COL24A1: variants seen among roughly 807,000 people sequenced by gnomAD.
COL24A1 encodes the protein collagen alpha-1(XXIV) chain.
A neutral mutation model predicts 253.9 loss-of-function variants in COL24A1; 224 were observed. That is an observed-to-expected ratio of 0.88 (90% CI 0.79 to 0.99). The LOEUF (loss-of-function observed/expected upper bound fraction) is 0.99, where lower values mean the gene tolerates loss of function less well. Among genes scored for constraint, COL24A1 ranks in the 50% least tolerant of loss-of-function variants. The pLI is 0.00. For missense variants in COL24A1, 2,131 were observed against 2,068.5 expected, an observed-to-expected ratio of 1.03 and a Z score of -0.59; for synonymous variants, 685 against 673.7, an observed-to-expected ratio of 1.02 and a Z score of -0.26.
chr1:86,108,807 C>A (rs369564811), intron 5 of COL24A1, among the ~76,000 whole-genome samples: 27 of 142,868 alleles, frequency 1.9e-4, no homozygotes, highest in South Asian at 4.6e-4. Flanking sequence ...AATTCCGTCT[C>A]AAAAAAAAAA....
At chr1:85,987,272 G>T (rs571471486) in intron 20 of COL24A1, among the ~76,000 whole-genome samples, 32 of 151,714 alleles carry the variant, frequency 2.1e-4, no homozygotes, top group Admixed American at 1.2e-3. Flanking sequence ...GTCCCCAAAA[G>T]ATTTTTTTAG....
chr1:85,891,283 A>C (rs543282290), intron 31 of COL24A1, among the ~76,000 whole-genome samples: 1 of 142,862 alleles, frequency 7.0e-6, no homozygotes, highest in Non-Finnish European at 1.5e-5. Context: ...CCAGGATGGT[A>C]TCAATCTCCT....
At chr1:85,888,557 A>C (rs1331683660) in intron 32 of COL24A1, among the ~76,000 whole-genome samples, 1 of 152,088 alleles carries the variant, frequency 6.6e-6, no homozygotes, top group Non-Finnish European at 1.5e-5. Flanking sequence ...AATGCTAAAG[A>C]GAGTTGCATT....
chr1:86,092,666 T>C (rs1209430323), intron 5 of COL24A1, among the ~76,000 whole-genome samples: 5 of 151,880 alleles, frequency 3.3e-5, no homozygotes, highest in East Asian at 1.9e-4. Flanking sequence ...ATTTTAGCAT[T>C]GAAAGACTAT....
In COL24A1 at chr1:86,052,004, T is replaced by C. The variant is rs567228270; in HGVS notation, c.1852-1827A>G. Among the ~76,000 whole-genome samples, 5 of 152,192 alleles carry C rather than the reference T, an allele frequency of 3.3e-5. No homozygotes were observed. The South Asian group carries it at 1.0e-3, about 32-fold the overall frequency. On this transcript the variant is annotated intron_variant, in intron 10 of 59. Coordinates refer to ENST00000370571, the MANE Select transcript of COL24A1 (RefSeq NM_152890.7). ...CTGAAGGACAGATATGTCTGAAGTC[T>C]TAAAGACAGACTAAAGCTTTGAGGA...
intron 6 of COL24A1, among the ~76,000 whole-genome samples, chr1:86,090,159 T>A (rs1483410081): frequency 6.6e-6 from 1 of 152,172 alleles, no homozygotes; most frequent in Non-Finnish European, 1.5e-5. Context: ...AGCGCTACCT[T>A]TTTTACATTT....
At chr1:85,731,227 CT>C (rs1663442998) in intron 59 of COL24A1, among the ~76,000 whole-genome samples, 1 of 152,140 alleles carries the variant, frequency 6.6e-6, no homozygotes, top group African/African-American at 2.4e-5. Flanking sequence ...CAGTTTCCCT[CT>C]TTCTTCTCTT....
chr1:86,021,132 G>T (rs1437235421), intron 18 of COL24A1, among the ~76,000 whole-genome samples: 1 of 152,280 alleles, frequency 6.6e-6, no homozygotes, highest in East Asian at 1.9e-4. Flanking sequence ...ATAATCCTGA[G>T]ATGGAAGGGT....
At chr1:85,832,524 C>A (rs1358704207) in intron 43 of COL24A1, among the ~76,000 whole-genome samples, 3 of 150,704 alleles carry the variant, frequency 2.0e-5, no homozygotes, top group Non-Finnish European at 3.0e-5. Context: ...GGCAGTATGG[C>A]CATTTTCACG....
chr1:85,781,291 A>C lies in COL24A1; in HGVS notation c.4285-18T>G. On this transcript the variant is annotated intron_variant, in intron 51 of 59. Coordinates refer to ENST00000370571, the MANE Select transcript of COL24A1 (RefSeq NM_152890.7). ...GTGTTTCCCTGTTGAGGTAAAAGAA[A>C]AACAGTCTCACTGTTAGTATAATTA... is the stretch of plus-strand genomic sequence containing the variant. The C allele has an allele frequency of 6.3e-7, 1 of 1,584,744 alleles. No homozygotes were observed. Among genetic ancestry groups the C allele is most frequent in the Non-Finnish European group, 8.6e-7 (1 of 1,165,182 alleles).
intron 47 of COL24A1, among the ~76,000 whole-genome samples, chr1:85,798,213 A>G: frequency 6.6e-6 from 1 of 151,468 alleles, no homozygotes; most frequent in East Asian, 1.9e-4. Flanking sequence ...AAAAAAAAAA[A>G]AAGTATGAAC....
chr1:86,142,905 G>A lies in COL24A1; in HGVS notation c.121+3214C>T, dbSNP rs969298574. On this transcript the variant is annotated intron_variant, in intron 2 of 59. Coordinates refer to ENST00000370571, the MANE Select transcript of COL24A1 (RefSeq NM_152890.7). The stretch of plus-strand genomic sequence containing the variant: ...CAAAGATAAATAGATGATCTTAAGG[G>A]ATTAAAAGGGAAATTAAAAGGTCAC... 1.2e-4 allele frequency among the ~76,000 whole-genome samples: 19 copies of A among 152,110 alleles called. 2 individuals carry two copies. Among genetic ancestry groups the A allele is most frequent in the Admixed American group, 5.2e-4 (8 of 15,290 alleles).
At chr1:85,845,796 T>C (rs1677089247) in intron 39 of COL24A1, among the ~76,000 whole-genome samples, 1 of 151,340 alleles carries the variant, frequency 6.6e-6, no homozygotes, top group South Asian at 2.1e-4. Flanking sequence ...ACAAGAAAGA[T>C]TAAAGAACAG....
chr1:86,031,753 C>G, intron 14 of COL24A1, 125 bp downstream of exon 14: 1 of 641,750 alleles, frequency 1.6e-6, no homozygotes. Context: ...TACATTTAAT[C>G]AAGGTTGATA....
At chr1:85,873,930 C>T (rs888685870) in intron 35 of COL24A1, among the ~76,000 whole-genome samples, 4 of 152,004 alleles carry the variant, frequency 2.6e-5, no homozygotes, top group Admixed American at 6.6e-5. Context: ...TAAAGTAGGA[C>T]TGGCTCTCTT....
At chr1:86,092,874 A>G (rs557749069) in intron 5 of COL24A1, among the ~76,000 whole-genome samples, 59 of 152,078 alleles carry the variant, frequency 3.9e-4, no homozygotes, top group African/African-American at 1.4e-3. Context: ...CAGTGTGGGG[A>G]TCTTTATCTT....
chr1:85,756,220 G>C (rs1301723165), intron 55 of COL24A1, among the ~76,000 whole-genome samples: 2 of 152,090 alleles, frequency 1.3e-5, no homozygotes, highest in Non-Finnish European at 2.9e-5. Context: ...AGGAGTTCGA[G>C]ACCAGCCTGG....
chr1:86,119,503 G>A (rs1442993222), intron 3 of COL24A1, among the ~76,000 whole-genome samples: 1 of 152,130 alleles, frequency 6.6e-6, no homozygotes, highest in Non-Finnish European at 1.5e-5. Context: ...TCTGGTGAGA[G>A]GGGACAAAAG....
intron 24 of COL24A1, among the ~76,000 whole-genome samples, chr1:85,914,886 G>T (rs539474805): frequency 6.6e-6 from 1 of 152,226 alleles, no homozygotes; most frequent in South Asian, 2.1e-4. Context: ...ATCATGTTAG[G>T]CAGAATTATG....
Sources: allele counts gnomAD v4.1 joint callset (sites outside exome capture counted in the v4.1 genomes callset), GRCh38; gene constraint gnomAD v4.1.1; transcripts MANE v1.5; gene names NCBI Gene and HGNC (gene_info 2026-07-23, HGNC 2026-07-21).